ZNF638: variants seen among roughly 807,000 people sequenced by gnomAD.
The protein encoded by ZNF638 is zinc finger protein 638.
A neutral mutation model predicts 195.6 loss-of-function variants in ZNF638; 46 were observed. The observed-to-expected ratio is 0.24, with a 90% CI of 0.19 to 0.30. ZNF638 has a LOEUF of 0.30. Among genes scored for constraint, ZNF638 ranks in the 10% least tolerant of loss-of-function variants. ZNF638 has a pLI of 1.00. For missense variants in ZNF638, 2,440 were observed against 2,325.3 expected, an observed-to-expected ratio of 1.05 and a Z score of -1.01; for synonymous variants, 845 against 772.0, an observed-to-expected ratio of 1.09 and a Z score of -1.57.
At chr2:71,354,454 G>T (rs1355661882) in intron 2 of ZNF638, among the ~76,000 whole-genome samples, 1 of 151,990 alleles carries the variant, frequency 6.6e-6, no homozygotes, top group African/African-American at 2.4e-5. Flanking sequence ...AGCATTTTGG[G>T]CTGGGCATGG....
chr2:71,424,861 A>G (rs898074750), intron 23 of ZNF638, 146 bp downstream of exon 23: 22 of 626,200 alleles, frequency 3.5e-5, no homozygotes, highest in Non-Finnish European at 5.3e-5. Flanking sequence ...TTTTTAACTT[A>G]TCTCTAATCC....
Position 71,408,102 on chromosome 2 carries a change from C to G in ZNF638, c.3136-20C>G. On this transcript the variant is annotated intron_variant, in intron 19 of 27. Transcript: ENST00000264447. Reference sequence around the variant, plus strand: ...AATTTTTTTAAAGAACTATTCATAACTTTTTAATCTTCTCCAAAGGCAATT... The same window carrying G: ...AATTTTTTTAAAGAACTATTCATAAGTTTTTAATCTTCTCCAAAGGCAATT... 1 of 1,597,222 alleles carries G rather than the reference C, an allele frequency of 6.3e-7. No homozygotes were observed. Among genetic ancestry groups the G allele is most frequent in the Non-Finnish European group, 8.5e-7 (1 of 1,174,818 alleles).
chr2:71,401,413 G>T (rs1398613176), intron 15 of ZNF638, among the ~76,000 whole-genome samples: 1 of 152,094 alleles, frequency 6.6e-6, no homozygotes, highest in Non-Finnish European at 1.5e-5. Flanking sequence ...TTTTTATTAT[G>T]TATTGCCTAA....
At chr2:71,347,143 A>G (rs1314799349) in intron 1 of ZNF638, among the ~76,000 whole-genome samples, 1 of 152,202 alleles carries the variant, frequency 6.6e-6, no homozygotes, top group Non-Finnish European at 1.5e-5. Flanking sequence ...GTCCAGGGCA[A>G]GGTTTGTTTT....
At chr2:71,414,037 A>T (rs1469283107) in intron 20 of ZNF638, among the ~76,000 whole-genome samples, 1 of 137,108 alleles carries the variant, frequency 7.3e-6, no homozygotes, top group African/African-American at 2.7e-5. Context: ...TGATTGGAAT[A>T]GTTTCAGAAG....
chr2:71,394,654 C>T (rs112949312), intron 10 of ZNF638, among the ~76,000 whole-genome samples: 4 of 152,290 alleles, frequency 2.6e-5, no homozygotes, highest in African/African-American at 9.6e-5. Flanking sequence ...GCTCTTGCCA[C>T]CTTAGAACAT....
chr2:71,357,974 T>C lies in ZNF638; in HGVS notation c.1379+2194T>C, dbSNP rs770314860. Among the ~76,000 whole-genome samples, 203 of 152,198 alleles carry C rather than the reference T, an allele frequency of 1.3e-3. 8 individuals carry two copies. Among genetic ancestry groups the C allele is most frequent in the Non-Finnish European group, 3.5e-4 (24 of 68,026 alleles). ...TAAACTGGGAGAGAATAAATTTCTA[T>C]TTAGAGTCCAGAAGTCTGAAATCAT... On this transcript the variant is annotated intron_variant, in intron 3 of 27. Coordinates refer to ENST00000264447, the MANE Select transcript of ZNF638 (RefSeq NM_014497.5).
chr2:71,336,584 T>C (rs978036452), intron 1 of ZNF638, among the ~76,000 whole-genome samples: 2 of 152,200 alleles, frequency 1.3e-5, no homozygotes, highest in African/African-American at 4.8e-5. Flanking sequence ...TTTGAGCACC[T>C]GTTGCATGTC....
At position 71,405,598 on chromosome 2, in the gene ZNF638, T is replaced by C. The variant is rs1351584534; in HGVS notation, c.2959-3T>C. 4 of 1,563,912 alleles carry C rather than the reference T, an allele frequency of 2.6e-6. No homozygotes were observed. Among genetic ancestry groups the C allele is most frequent in the Admixed American group, 1.9e-5 (1 of 52,420 alleles). On this transcript the variant is annotated splice_polypyrimidine_tract_variant and splice_region_variant and intron_variant, in intron 17 of 27. Coordinates refer to ENST00000264447, the MANE Select transcript of ZNF638 (RefSeq NM_014497.5). ...TCAACCTTTATCTATTTTTGCTTTT[T>C]AGGAAGCTATATTTATAACCTTGGT...
chr2:71,411,017 A>AGATG (rs1257523457), intron 20 of ZNF638, among the ~76,000 whole-genome samples: 1 of 70,894 alleles, frequency 1.4e-5, no homozygotes, highest in Non-Finnish European at 2.5e-5. Context: ...TTTTTTGTCG[A>AGATG]GATGGAGCCT....
At chr2:71,410,854 T>C (rs1426762446) in intron 20 of ZNF638, among the ~76,000 whole-genome samples, 1 of 151,996 alleles carries the variant, frequency 6.6e-6, no homozygotes, top group Non-Finnish European at 1.5e-5. Flanking sequence ...GGGACATACT[T>C]GGTGATTCCA....
intron 21 of ZNF638, among the ~76,000 whole-genome samples, chr2:71,422,069 A>G (rs1246261131): frequency 1.3e-5 from 2 of 152,170 alleles, no homozygotes; most frequent in Admixed American, 1.3e-4. Flanking sequence ...AAATATTAGA[A>G]TTATACATTA....
At chr2:71,399,346 C>T (rs2079959629) in intron 12 of ZNF638, among the ~76,000 whole-genome samples, 1 of 152,040 alleles carries the variant, frequency 6.6e-6, no homozygotes, top group South Asian at 2.1e-4. Flanking sequence ...ACATGTGGCT[C>T]ATTTGACGGC....
At chr2:71,388,687 A>T in intron 10 of ZNF638, 1 of 1,140,846 alleles carries the variant, frequency 8.8e-7, no homozygotes, top group Non-Finnish European at 1.3e-6. Flanking sequence ...ATCACGACGG[A>T]ACCCCCGAAA....
intron 16 of ZNF638, among the ~76,000 whole-genome samples, chr2:71,402,314 C>T (rs6546689): frequency 0.9 from 137,117 of 152,198 alleles, 61,825 homozygotes; most frequent in East Asian, 0.99. Context: ...TGTCAAAGTT[C>T]TACTCAAAAT....
chr2:71,390,810 G>A (rs1180883424), intron 10 of ZNF638, among the ~76,000 whole-genome samples: 1 of 152,052 alleles, frequency 6.6e-6, no homozygotes, highest in Non-Finnish European at 1.5e-5. Flanking sequence ...GTCAGCACTG[G>A]CTAAGTGCAC....
chr2:71,345,816 A>G (rs149131211), intron 1 of ZNF638, among the ~76,000 whole-genome samples: 28 of 152,266 alleles, frequency 1.8e-4, no homozygotes, highest in African/African-American at 5.5e-4. Flanking sequence ...GGCCTCTCAT[A>G]GACTTTAATA....
At chr2:71,363,030 C>T (rs1166592340) in intron 3 of ZNF638, 123 bp from the exon 4 acceptor site, 5 of 761,266 alleles carry the variant, frequency 6.6e-6, no homozygotes, top group African/African-American at 1.8e-5. Flanking sequence ...GAATTAAACT[C>T]TCAAAATATT....
At chr2:71,363,592 T>C (rs1450053876) in intron 4 of ZNF638, among the ~76,000 whole-genome samples, 1 of 152,238 alleles carries the variant, frequency 6.6e-6, no homozygotes, top group African/African-American at 2.4e-5. Flanking sequence ...GAAAAAATTA[T>C]TGAAAACATC....
Sources: allele counts gnomAD v4.1 joint callset (sites outside exome capture counted in the v4.1 genomes callset), GRCh38; gene constraint gnomAD v4.1.1; transcripts MANE v1.5; gene names NCBI Gene and HGNC (gene_info 2026-07-23, HGNC 2026-07-21).